The following ALOX5AP variants were observed in gnomAD, a reference collection of about 807,000 sequenced individuals.
ALOX5AP encodes arachidonate 5-lipoxygenase-activating protein.
In ALOX5AP, 9 loss-of-function variants were observed where a neutral mutation model predicts 18.5. The observed-to-expected ratio is 0.49, with a 90% CI of 0.29 to 0.85. The LOEUF is 0.85. ALOX5AP is among the 40% of genes least tolerant of loss of function. ALOX5AP has a pLI of 0.08. For synonymous variants in ALOX5AP, 81 were observed against 78.6 expected, an observed-to-expected ratio of 1.03 and a Z score of -0.16; for missense variants, 172 against 202.5, an observed-to-expected ratio of 0.85 and a Z score of 0.91.
chr13:30,721,100 C>T (rs1051261720), intron 1 of ALOX5AP, among the ~76,000 whole-genome samples: 3 of 152,312 alleles, frequency 2.0e-5, no homozygotes, highest in Admixed American at 6.5e-5. Flanking sequence ...ATGGACTCTT[C>T]GTTGATCCCA....
chr13:30,719,765 T>G (rs1951578870), intron 1 of ALOX5AP, among the ~76,000 whole-genome samples: 1 of 152,180 alleles, frequency 6.6e-6, no homozygotes, highest in Non-Finnish European at 1.5e-5. Context: ...GCTGAAAAAC[T>G]CATGTCAGTT....
chr13:30,757,264 G>A (rs1449853001), intron 4 of ALOX5AP, among the ~76,000 whole-genome samples: 1 of 152,154 alleles, frequency 6.6e-6, no homozygotes, highest in Non-Finnish European at 1.5e-5. Flanking sequence ...GCGGGTGAAA[G>A]CGCTATATCT....
upstream of ALOX5AP, among the ~76,000 whole-genome samples, chr13:30,731,110 G>A (rs1284350359): frequency 6.6e-6 from 1 of 152,220 alleles, no homozygotes; most frequent in Non-Finnish European, 1.5e-5. Flanking sequence ...ATGTCGTGGG[G>A]ATATGTTATT....
Position 30,744,112 on chromosome 13 carries a change from C to T in ALOX5AP, c.123C>T (p.Ser41=), listed in dbSNP as rs41351946. ...AAAGCAGGACCCAGAATGGGAGGAGCTTCCAGAGGACCGGAACACTTGCCT... is the reference window on the plus strand; with the variant it reads ...AAAGCAGGACCCAGAATGGGAGGAGTTTCCAGAGGACCGGAACACTTGCCT... The part of the protein sequence containing the change: ...EHESRTQNGR[S]FQRTGTLAFE... Residue 41 remains serine, a synonymous_variant, in exon 2 of 5, where the codon AGC becomes AGT. Transcript: ENST00000380490. 8,260 of 1,614,118 alleles carry T rather than the reference C, an allele frequency of 5.1e-3. 36 individuals are homozygous for T. The highest frequency in any genetic ancestry group is 0.014 in the Middle Eastern group (87 of 6,062).
intron 1 of ALOX5AP, 105 bp downstream of exon 1, chr13:30,735,780 A>C (rs1593433628): frequency 8.1e-7 from 1 of 1,240,844 alleles, no homozygotes; most frequent in Non-Finnish European, 1.1e-6. Flanking sequence ...CGCATGCACA[A>C]ACACTTTTAC....
chr13:30,746,184 G>A (rs951725320), intron 2 of ALOX5AP, among the ~76,000 whole-genome samples: 1 of 152,210 alleles, frequency 6.6e-6, no homozygotes. Flanking sequence ...TGGGAAGGTC[G>A]TTTGGAAGTT....
intron 1 of ALOX5AP, among the ~76,000 whole-genome samples, chr13:30,726,570 T>C (rs963223238): frequency 6.6e-6 from 1 of 152,192 alleles, no homozygotes; most frequent in Non-Finnish European, 1.5e-5. Flanking sequence ...GAATGAGTAG[T>C]GGAAGGTAGT....
At chr13:30,732,075 C>T (rs1951686070), upstream of ALOX5AP, among the ~76,000 whole-genome samples, 2 of 152,256 alleles carry the variant, frequency 1.3e-5, no homozygotes, top group South Asian at 4.1e-4. Context: ...GCTATTAACA[C>T]GCTCTTCTCG....
chr13:30,721,433 A>T (rs1166409646), intron 1 of ALOX5AP, among the ~76,000 whole-genome samples: 10 of 152,096 alleles, frequency 6.6e-5, no homozygotes, highest in South Asian at 6.2e-4. Flanking sequence ...CTGTTTTTTT[A>T]AGTGAGAAAT....
chr13:30,732,206 C>T (rs116205889), upstream of ALOX5AP, among the ~76,000 whole-genome samples: 1,539 of 152,296 alleles, frequency 0.01, 22 homozygotes, highest in African/African-American at 0.035. Context: ...TTTCGACCTT[C>T]TAAAGCGCGA....
upstream of ALOX5AP, among the ~76,000 whole-genome samples, chr13:30,731,148 C>T (rs1317896411): frequency 6.6e-6 from 1 of 152,138 alleles, no homozygotes; most frequent in African/African-American, 2.4e-5. Flanking sequence ...GTCTTCCTTT[C>T]TTTCCTTTCT....
chr13:30,714,125 C>A (rs1338740523), intron 1 of ALOX5AP, among the ~76,000 whole-genome samples: 2 of 151,538 alleles, frequency 1.3e-5, no homozygotes, highest in African/African-American at 4.9e-5. Flanking sequence ...GGAGTTACCC[C>A]TGGAGGTAAC....
At chr13:30,731,886 A>G (rs948125845), upstream of ALOX5AP, among the ~76,000 whole-genome samples, 1 of 152,236 alleles carries the variant, frequency 6.6e-6, no homozygotes, top group African/African-American at 2.4e-5. Flanking sequence ...GAATCCGGGC[A>G]GGCAGGGCGG....
At chr13:30,713,961 C>A in intron 1 of ALOX5AP, 1 of 1,074,896 alleles carries the variant, frequency 9.3e-7, no homozygotes. Flanking sequence ...CTCCCAGAAG[C>A]AGTATTGGGC....
chr13:30,762,046 G>A (rs1035105088), intron 4 of ALOX5AP, among the ~76,000 whole-genome samples: 1 of 152,212 alleles, frequency 6.6e-6, no homozygotes, highest in Non-Finnish European at 1.5e-5. Context: ...GGAAAACAGG[G>A]AGAGAATGAA....
At chr13:30,759,637 G>A (rs1013185566) in intron 4 of ALOX5AP, among the ~76,000 whole-genome samples, 1 of 152,128 alleles carries the variant, frequency 6.6e-6, no homozygotes, top group African/African-American at 2.4e-5. Flanking sequence ...CTGATTCCTC[G>A]TTGTCATTTC....
chr13:30,749,982 T>C (rs142589182), intron 2 of ALOX5AP, among the ~76,000 whole-genome samples: 3 of 152,274 alleles, frequency 2.0e-5, no homozygotes, highest in Non-Finnish European at 4.4e-5. Context: ...ATTGCATCTT[T>C]GTTTTTACCT....
upstream of ALOX5AP, among the ~76,000 whole-genome samples, chr13:30,733,322 A>C (rs894485843): frequency 6.6e-5 from 10 of 152,204 alleles, no homozygotes; most frequent in African/African-American, 2.4e-4. Context: ...GTTTGAGCTA[A>C]GTTTCTATTG....
intron 1 of ALOX5AP, among the ~76,000 whole-genome samples, chr13:30,726,067 T>C (rs1951637143): frequency 6.6e-6 from 1 of 152,110 alleles, no homozygotes; most frequent in Admixed American, 6.6e-5. Flanking sequence ...GGTGTTCGGG[T>C]AGTAATTTTT....
Sources: gnomAD v4.1 joint callset for allele counts (sites outside exome capture counted in the v4.1 genomes callset) on GRCh38, gnomAD v4.1.1 for gene constraint, MANE v1.5 for transcripts, NCBI Gene and HGNC (gene_info 2026-07-23, HGNC 2026-07-21) for gene names.